MARCHF6: variants seen among roughly 807,000 people sequenced by gnomAD.
MARCHF6 encodes membrane associated ring-CH-type finger 6, also known as E3 ubiquitin-protein ligase MARCHF6.
MARCHF6 carries 31 observed loss-of-function variants against 133.7 expected under a neutral mutation model. The ratio of observed to expected loss-of-function variants is 0.23; its 90% CI spans 0.17 to 0.31. MARCHF6 has a LOEUF of 0.31. Among genes scored for constraint, MARCHF6 ranks in the 10% least tolerant of loss-of-function variants. The pLI is 1.00. For missense variants in MARCHF6, 723 were observed against 1,121.6 expected, an observed-to-expected ratio of 0.64 and a Z score of 5.08; for synonymous variants, 395 against 402.5, an observed-to-expected ratio of 0.98 and a Z score of 0.22.
In MARCHF6 at chr5:10,422,403, A is replaced by G. The variant is rs16884676; in HGVS notation, c.2284-1332A>G. ...TTTGAAGGGGCTCATGAGATTTGGT[A>G]AGATTGAGATCCAAGATAAAAACAC... On this transcript the variant is annotated intron_variant, in intron 22 of 25. Coordinates refer to ENST00000274140, the MANE Select transcript of MARCHF6 (RefSeq NM_005885.4). 8.2e-3 allele frequency among the ~76,000 whole-genome samples: 1,255 copies of G among 152,336 alleles called. 16 individuals carry two copies. The highest frequency in any genetic ancestry group is 0.029 in the African/African-American group (1,211 of 41,566).
At chr5:10,376,932 A>G (rs1189174392) in intron 1 of MARCHF6, among the ~76,000 whole-genome samples, 1 of 152,200 alleles carries the variant, frequency 6.6e-6, no homozygotes, top group Non-Finnish European at 1.5e-5. Context: ...TCTCCCTCCG[A>G]TAGGCCACTA....
intron 9 of MARCHF6, among the ~76,000 whole-genome samples, chr5:10,396,319 GTCTT>G (rs1738187581): frequency 6.6e-6 from 1 of 152,142 alleles, no homozygotes; most frequent in Non-Finnish European, 1.5e-5. Flanking sequence ...GTTTGATTAG[GTCTT>G]TCTTAGTGGA....
At chr5:10,376,771 C>T (rs1201368645) in intron 1 of MARCHF6, among the ~76,000 whole-genome samples, 3 of 152,190 alleles carry the variant, frequency 2.0e-5, no homozygotes, top group Non-Finnish European at 4.4e-5. Context: ...ACGCACCACA[C>T]TGCTCTCGGC....
intron 12 of MARCHF6, 60 bp from the exon 13 acceptor site, chr5:10,402,324 G>A: frequency 7.1e-7 from 1 of 1,413,140 alleles, no homozygotes; most frequent in Non-Finnish European, 1.0e-6. Flanking sequence ...TGTTGGCTAA[G>A]TAGTTACCTG....
intron 10 of MARCHF6, 23 bp from the exon 11 acceptor site, chr5:10,400,761 T>C (rs780486874): frequency 2.5e-6 from 4 of 1,584,400 alleles, no homozygotes; most frequent in Non-Finnish European, 3.5e-6. Context: ...GGAGTTTTCA[T>C]GGAATTTTTT....
intron 18 of MARCHF6, among the ~76,000 whole-genome samples, 191 bp from the exon 19 acceptor site, chr5:10,411,142 C>A (rs888994706): frequency 6.6e-6 from 1 of 152,098 alleles, no homozygotes; most frequent in African/African-American, 2.4e-5. Flanking sequence ...CCTACAAGTT[C>A]ATTAACATTA....
chr5:10,380,420 T>C (rs892998361), intron 3 of MARCHF6, among the ~76,000 whole-genome samples: 1 of 152,220 alleles, frequency 6.6e-6, no homozygotes, highest in Non-Finnish European at 1.5e-5. Context: ...GTTGAGTATC[T>C]TCATGAAATT....
At chr5:10,427,449 T>TG (rs1454006341) in intron 24 of MARCHF6, among the ~76,000 whole-genome samples, 1 of 152,250 alleles carries the variant, frequency 6.6e-6, no homozygotes, top group African/African-American at 2.4e-5. Context: ...TTTGCTTTGA[T>TG]GTGGGCTTCA....
chr5:10,368,602 G>GTCT (rs1736277065), intron 1 of MARCHF6, among the ~76,000 whole-genome samples: 1 of 152,144 alleles, frequency 6.6e-6, no homozygotes, highest in African/African-American at 2.4e-5. Flanking sequence ...TTGAGATAGA[G>GTCT]TCTTGCTCCG....
At position 10,403,420 on chromosome 5, in the gene MARCHF6, C is replaced by G; in HGVS notation, c.1211C>G (p.Ala404Gly). ...CTTTTGTCTCAGGAAATGTTTGATG[C>G]TACTCTGAAAGATCGAGAACTGAGC... The part of the protein sequence containing the change: ...LDICSLEMFD[A>G]TLKDRELSFQ... The change falls in exon 15 of 26, where the codon GCT becomes GGT. Residue 404 changes from alanine (A) to glycine (G), a missense_variant. Ala to Gly is a moderately conservative substitution (Grantham distance 60). Around this residue, in one of 4 missense-constraint regions of MARCHF6, gnomAD observed 492 missense variants for 699.5 expected, o/e 0.70. Coordinates refer to ENST00000274140, the MANE Select transcript of MARCHF6 (RefSeq NM_005885.4). 6.2e-7 allele frequency: 1 copy of G among 1,613,084 alleles called. No individual in the cohort carries two copies. Among genetic ancestry groups the G allele is most frequent in the Non-Finnish European group, 8.5e-7 (1 of 1,179,588 alleles).
chr5:10,425,957 G>A (rs551402101), intron 23 of MARCHF6, among the ~76,000 whole-genome samples: 1 of 152,072 alleles, frequency 6.6e-6, no homozygotes, highest in African/African-American at 2.4e-5. Context: ...TTTCAGAAAC[G>A]CTTCCTGCTT....
intron 5 of MARCHF6, 22 bp downstream of exon 5, chr5:10,387,088 C>A: frequency 1.3e-6 from 2 of 1,569,082 alleles, no homozygotes; most frequent in Non-Finnish European, 1.8e-6. Context: ...ACCTCTGTGA[C>A]GAATGTTGCA....
chr5:10,385,963 C>T (rs932918128), intron 4 of MARCHF6, among the ~76,000 whole-genome samples: 4 of 151,660 alleles, frequency 2.6e-5, no homozygotes, highest in Admixed American at 2.6e-4. Context: ...TATTCTGTAA[C>T]TTTTCTCTAG....
At position 10,387,097 on chromosome 5, in the gene MARCHF6, C is replaced by T. The variant is rs762422860; in HGVS notation, c.407+31C>T. ...TATTGAACCTCTGTGACGAATGTTG[C>T]ATGATGTAGATGATGCTTGCTTTTT... On this transcript the variant is annotated intron_variant, in intron 5 of 25. Coordinates refer to ENST00000274140, the MANE Select transcript of MARCHF6 (RefSeq NM_005885.4). 6.6e-6 allele frequency: 10 copies of T among 1,522,422 alleles called. No homozygotes were observed. In the East Asian group the frequency reaches 6.8e-5, roughly 10 times the overall value. 94.3% of individuals were successfully genotyped at this position (1,522,422 alleles called of 1,614,324 possible).
At chr5:10,367,351 ATAG>A (rs1736197483) in intron 1 of MARCHF6, among the ~76,000 whole-genome samples, 2 of 152,214 alleles carry the variant, frequency 1.3e-5, no homozygotes, top group Non-Finnish European at 2.9e-5. Context: ...TAAGATGTTA[ATAG>A]TAGGGGATAT....
At chr5:10,360,419 G>A (rs143859588) in intron 1 of MARCHF6, among the ~76,000 whole-genome samples, 2,470 of 152,220 alleles carry the variant, frequency 0.016, 68 homozygotes, top group African/African-American at 0.055. Flanking sequence ...GATTATAGGC[G>A]TGAGCCACCG....
intron 10 of MARCHF6, among the ~76,000 whole-genome samples, 167 bp from the exon 11 acceptor site, chr5:10,400,615 CTT>C (rs1312733711): frequency 6.6e-6 from 1 of 152,008 alleles, no homozygotes; most frequent in Non-Finnish European, 1.5e-5. Flanking sequence ...ACCTTAATAG[CTT>C]TGTTGTTCTC....
intron 1 of MARCHF6, among the ~76,000 whole-genome samples, chr5:10,371,838 A>T (rs1444150983): frequency 6.6e-6 from 1 of 152,180 alleles, no homozygotes; most frequent in Non-Finnish European, 1.5e-5. Context: ...ACCAAATAGA[A>T]ATTAAAAGAC....
intron 1 of MARCHF6, among the ~76,000 whole-genome samples, chr5:10,376,751 G>T (rs1736806074): frequency 1.3e-5 from 2 of 152,202 alleles, no homozygotes; most frequent in Admixed American, 1.3e-4. Context: ...GCTCTTAAAT[G>T]CCTGTAACCA....
Sources: allele counts gnomAD v4.1 joint callset (sites outside exome capture counted in the v4.1 genomes callset), GRCh38; gene constraint gnomAD v4.1.1; regional missense constraint gnomAD v4.1.1; transcripts MANE v1.5; gene names NCBI Gene and HGNC (gene_info 2026-07-23, HGNC 2026-07-21).